Variants in TXK observed in about 807,000 individuals in gnomAD.
TXK encodes TXK tyrosine kinase.
TXK carries 60 observed loss-of-function variants against 81.0 expected under a neutral mutation model. The observed-to-expected ratio is 0.74, with a 90% CI of 0.60 to 0.92. The LOEUF (loss-of-function observed/expected upper bound fraction) is 0.92. Ranked by LOEUF, TXK falls within the 40% of genes least tolerant of loss-of-function variation. TXK has a pLI of 0.00. For synonymous variants in TXK, 203 were observed against 210.7 expected (o/e 0.96, Z 0.32); for missense variants, 581 against 638.3 (o/e 0.91, Z 0.97).
chr4:48,112,924 A>C (rs1028552733), intron 3 of TXK, among the ~76,000 whole-genome samples: 2 of 152,076 alleles, frequency 1.3e-5, no homozygotes, highest in South Asian at 2.1e-4. Context: ...TTTCTCACTG[A>C]AGTGAAAATT....
intron 14 of TXK, 87 bp downstream of exon 14, chr4:48,071,430 A>G: frequency 1.5e-6 from 2 of 1,340,054 alleles, no homozygotes; most frequent in East Asian, 4.7e-5. Flanking sequence ...CTGCCATGAC[A>G]GAGTTCTGAA....
At chr4:48,109,854 G>T (rs964437778) in intron 5 of TXK, among the ~76,000 whole-genome samples, 3 of 152,150 alleles carry the variant, frequency 2.0e-5, no homozygotes, top group Non-Finnish European at 2.9e-5. Flanking sequence ...ATTACCTACT[G>T]CCACCTGGTG....
Position 48,134,145 on chromosome 4 carries a change from T to C in TXK, c.16+10A>G. ...CCCCAAAAATAAATGACAAAGCCCA[T>C]CTTACTCACAGGAGGAAAGGATCAT... On this transcript the variant is annotated intron_variant, in intron 1 of 14. Transcript: ENST00000264316. 2 of 1,613,008 alleles carry C rather than the reference T, an allele frequency of 1.2e-6. No homozygotes were observed. Among genetic ancestry groups the C allele is most frequent in the East Asian group, 2.2e-5 (1 of 44,872 alleles).
chr4:48,104,947 T>C lies in TXK; in HGVS notation c.455A>G (p.His152Arg), dbSNP rs1383820228. The C allele has an allele frequency of 4.4e-6, 7 of 1,586,868 alleles. No individual in the cohort carries two copies. The highest frequency in any genetic ancestry group is 6.0e-6 in the Non-Finnish European group (7 of 1,166,926). ...ITNLEIYEWY[H>R]RNITRNQAEH... ...TGCCTGATTTCTGGTAATGTTTCTA[T>C]GGTACCACCTGTAAAAGCAATAAAA... The change falls in exon 6 of 15, where the codon CAT (histidine) becomes CGT (arginine). Residue 152 changes from histidine (H) to arginine (R), a missense_variant. Physicochemically the swap from His to Arg is conservative, Grantham distance 29 (BLOSUM62 0). Coordinates refer to ENST00000264316, the MANE Select transcript of TXK (RefSeq NM_003328.3).
intron 13 of TXK, among the ~76,000 whole-genome samples, chr4:48,073,091 A>AT (rs33919573): frequency 0.48 from 65,773 of 136,734 alleles, 16,098 homozygotes; most frequent in Middle Eastern, 0.55. Flanking sequence ...CACCTGGCTA[A>AT]TTTTTTTTTT....
rs201881573 is a variant in TXK, at chr4:48,112,460, G to A, written c.227C>T (p.Pro76Leu). Residue 76 changes from proline (P) to leucine (L), a missense_variant, in exon 4 of 15, where the codon CCA becomes CTA. By Grantham distance (98) the Pro-to-Leu change is moderately conservative. Transcript: ENST00000264316. ...CTTCTCTTCAGCAACCTCAGAGGGT[G>A]GGAGGGGAGGCAGTGGCTTTCGTTT... ...PSKRKPLPPL[P>L]PSEVAEEKIQ... 1.2e-6 allele frequency: 2 copies of A among 1,614,060 alleles called. No homozygotes were observed. The highest frequency in any genetic ancestry group is 1.3e-5 in the African/African-American group (1 of 74,938).
intron 8 of TXK, among the ~76,000 whole-genome samples, chr4:48,091,960 T>C (rs1717793667): frequency 6.6e-6 from 1 of 152,192 alleles, no homozygotes; most frequent in Non-Finnish European, 1.5e-5. Flanking sequence ...CAGGGATCTA[T>C]AGGAGACACA....
intron 12 of TXK, 82 bp downstream of exon 12, chr4:48,076,320 A>T: frequency 9.5e-7 from 1 of 1,049,758 alleles, no homozygotes; most frequent in Non-Finnish European, 1.4e-6. Flanking sequence ...CAGCATCTTC[A>T]GTTTATCAGT....
chr4:48,112,924 A>G (rs1028552733), intron 3 of TXK, among the ~76,000 whole-genome samples: 1 of 152,076 alleles, frequency 6.6e-6, no homozygotes, highest in African/African-American at 2.4e-5. Context: ...TTTCTCACTG[A>G]AGTGAAAATT....
chr4:48,087,437 T>G (rs891981789), intron 9 of TXK, among the ~76,000 whole-genome samples: 3 of 151,558 alleles, frequency 2.0e-5, no homozygotes, highest in South Asian at 2.1e-4. Flanking sequence ...TTATTATTAT[T>G]ATTATTTTTT....
chr4:48,074,593 A>T (rs560614350), intron 12 of TXK, among the ~76,000 whole-genome samples: 28 of 152,338 alleles, frequency 1.8e-4, no homozygotes, highest in African/African-American at 6.7e-4. Flanking sequence ...ATATGGAAAG[A>T]AACCAAGAAT....
At chr4:48,072,378 A>G (rs1716898318) in intron 13 of TXK, among the ~76,000 whole-genome samples, 1 of 152,178 alleles carries the variant, frequency 6.6e-6, no homozygotes, top group South Asian at 2.1e-4. Context: ...TTCCATAGAA[A>G]CTGACAGGAT....
chr4:48,124,333 C>A (rs1456418646), intron 1 of TXK, among the ~76,000 whole-genome samples: 1 of 152,184 alleles, frequency 6.6e-6, no homozygotes, highest in Non-Finnish European at 1.5e-5. Flanking sequence ...CCAGGCATTG[C>A]CAAATGTTCC....
intron 4 of TXK, among the ~76,000 whole-genome samples, chr4:48,111,209 T>C (rs1444064319): frequency 6.6e-6 from 1 of 152,090 alleles, no homozygotes; most frequent in Non-Finnish European, 1.5e-5. Flanking sequence ...TAACCAACAT[T>C]TGAAATTACA....
At chr4:48,072,829 T>C (rs549296192) in intron 13 of TXK, among the ~76,000 whole-genome samples, 1 of 152,350 alleles carries the variant, frequency 6.6e-6, no homozygotes, top group East Asian at 1.9e-4. Flanking sequence ...TGCTCTTCAG[T>C]AGAGCTTCAA....
At chr4:48,113,401 C>G in intron 2 of TXK, 92 bp from the exon 3 acceptor site, 1 of 975,970 alleles carries the variant, frequency 1.0e-6, no homozygotes, top group South Asian at 1.7e-5. Flanking sequence ...GCAGAAAAAT[C>G]CAGGTCTCTT....
chr4:48,093,592 C>T (rs16860944), intron 8 of TXK, among the ~76,000 whole-genome samples: 3,522 of 152,240 alleles, frequency 0.023, 42 homozygotes, highest in African/African-American at 0.033. Flanking sequence ...TATAGTTAGG[C>T]TAAATTGTAA....
intron 3 of TXK, among the ~76,000 whole-genome samples, 192 bp from the exon 4 acceptor site, chr4:48,112,704 T>C (rs919810106): frequency 6.6e-6 from 1 of 152,218 alleles, no homozygotes; most frequent in African/African-American, 2.4e-5. Flanking sequence ...ACACTCATCA[T>C]TTTGTACACT....
In TXK at chr4:48,079,581, A is replaced by G. The variant is rs549613693; in HGVS notation, c.1173+331T>C. Among the ~76,000 whole-genome samples, 6 of 152,180 alleles carry G rather than the reference A, an allele frequency of 3.9e-5. No homozygotes were observed. In the East Asian group the frequency reaches 7.7e-4, roughly 20 times the overall value. On this transcript the variant is annotated intron_variant, in intron 11 of 14. Transcript: ENST00000264316. ...TGTCCTTAAAAACTCTGGTCCCCAT[A>G]TGCTCGGGGAGACTGATATGAGTAA...
Sources: gnomAD v4.1 joint callset for allele counts (sites outside exome capture counted in the v4.1 genomes callset) on GRCh38, gnomAD v4.1.1 for gene constraint, MANE v1.5 for transcripts, NCBI Gene and HGNC (gene_info 2026-07-23, HGNC 2026-07-21) for gene names.